The following CSMD1 variants were observed in gnomAD, a reference collection of about 807,000 sequenced individuals.
CSMD1 encodes CUB and sushi domain-containing protein 1.
CSMD1 carries 213 observed loss-of-function variants against 417.5 expected under a neutral mutation model. The observed-to-expected ratio is 0.51, with a 90% CI of 0.46 to 0.57. CSMD1 has a LOEUF of 0.57. Ranked by LOEUF, CSMD1 falls within the 20% of genes least tolerant of loss-of-function variation. CSMD1 has a pLI of 0.00. For synonymous variants in CSMD1, 2,862 were observed against 1,736.8 expected (o/e 1.65, Z -16.11); for missense variants, 6,923 against 4,529.7 (o/e 1.53, Z -15.17).
At chr8:4,542,522 G>C (rs1289870863) in intron 2 of CSMD1, among the ~76,000 whole-genome samples, 3 of 152,158 alleles carry the variant, frequency 2.0e-5, no homozygotes, top group African/African-American at 2.4e-5. Flanking sequence ...CCTCCTTTAT[G>C]AATGCTGTTG....
rs1385670513 is a variant in CSMD1 at position 4,137,762 on chromosome 8, A to T, written c.416-105663T>A. On this transcript the variant is annotated intron_variant, in intron 3 of 69. Coordinates refer to ENST00000635120, the MANE Select transcript of CSMD1 (RefSeq NM_033225.6). ...TTTTATATAAAATTACACTTTCCTA[A>T]ATTTCTCAAGGAAAATCTAAGCCTT... Among the ~76,000 whole-genome samples, 2 of 77,956 alleles carry T rather than the reference A, an allele frequency of 2.6e-5. 1 individual carries two copies. Among genetic ancestry groups the T allele is most frequent in the Non-Finnish European group, 7.9e-5 (2 of 25,448 alleles). 51.1% of individuals were successfully genotyped at this position (77,956 alleles called of 152,430 possible).
intron 37 of CSMD1, among the ~76,000 whole-genome samples, chr8:3,171,832 G>C (rs1401676252): frequency 1.3e-5 from 2 of 152,068 alleles, no homozygotes; most frequent in Non-Finnish European, 2.9e-5. Flanking sequence ...TCCATTATTT[G>C]GGAATAGAGG....
rs572598919 is a variant in CSMD1, at chr8:3,721,334, G to C, written c.932-12843C>G. Among the ~76,000 whole-genome samples the C allele has an allele frequency of 1.8e-4, 28 of 152,218 alleles. No individual in the cohort carries two copies. The East Asian group carries it at 5.0e-3, about 27-fold the overall frequency. On this transcript the variant is annotated intron_variant, in intron 6 of 69. Transcript: ENST00000635120. ...TGTGTAAGTGAGTGTGTGTGGCTGT[G>C]GATTTTTACTAGTGACGGCAGATGA... is the stretch of plus-strand genomic sequence containing the variant.
At chr8:4,188,417 A>G (rs1458745275) in intron 3 of CSMD1, among the ~76,000 whole-genome samples, 1 of 152,156 alleles carries the variant, frequency 6.6e-6, no homozygotes, top group African/African-American at 2.4e-5. Flanking sequence ...GCCTCAGATT[A>G]TTTCGGCAGA....
At chr8:3,121,328 T>C in intron 41 of CSMD1, among the ~76,000 whole-genome samples, 1 of 152,216 alleles carries the variant, frequency 6.6e-6, no homozygotes, top group East Asian at 1.9e-4. Context: ...TATGCAATGA[T>C]ATGTCTCTGA....
intron 2 of CSMD1, among the ~76,000 whole-genome samples, chr8:4,454,829 G>A (rs1020859078): frequency 1.3e-5 from 2 of 152,104 alleles, no homozygotes; most frequent in Admixed American, 1.3e-4. Context: ...CATAAGAAGA[G>A]CAAAGGTTTT....
chr8:4,343,060 T>C (rs1484324070), intron 3 of CSMD1, among the ~76,000 whole-genome samples: 3 of 152,104 alleles, frequency 2.0e-5, no homozygotes, highest in African/African-American at 7.2e-5. Context: ...ACATTTTAAG[T>C]TGCCTTCAAC....
At chr8:3,333,527 A>G (rs1373182416) in intron 23 of CSMD1, among the ~76,000 whole-genome samples, 2 of 152,252 alleles carry the variant, frequency 1.3e-5, no homozygotes, top group Non-Finnish European at 2.9e-5. Context: ...CAAATGATAT[A>G]TAGATACTGC....
intron 3 of CSMD1, among the ~76,000 whole-genome samples, chr8:4,157,268 G>C (rs1039812839): frequency 2.6e-5 from 4 of 152,196 alleles, no homozygotes; most frequent in African/African-American, 9.7e-5. Flanking sequence ...CATCCTGTCT[G>C]TGACTAGTTT....
At chr8:3,801,288 A>T (rs1802929951) in intron 5 of CSMD1, among the ~76,000 whole-genome samples, 1 of 152,180 alleles carries the variant, frequency 6.6e-6, no homozygotes, top group Non-Finnish European at 1.5e-5. Flanking sequence ...AACAATTAAA[A>T]ATTGGGAAAA....
chr8:3,825,933 A>G (rs907233260), intron 5 of CSMD1, among the ~76,000 whole-genome samples: 1 of 152,232 alleles, frequency 6.6e-6, no homozygotes, highest in African/African-American at 2.4e-5. Flanking sequence ...TCATTTTGAT[A>G]AATTCCAACT....
intron 3 of CSMD1, among the ~76,000 whole-genome samples, chr8:4,383,571 G>A (rs1259444436): frequency 6.6e-6 from 1 of 152,092 alleles, no homozygotes; most frequent in African/African-American, 2.4e-5. Context: ...CCTCAAATCT[G>A]ATTACAGGGC....
chr8:3,722,257 G>A (rs747689174), intron 6 of CSMD1, among the ~76,000 whole-genome samples: 3 of 151,988 alleles, frequency 2.0e-5, no homozygotes, highest in Admixed American at 6.6e-5. Context: ...GCAGTGAGTC[G>A]AGATCACACC....
intron 3 of CSMD1, among the ~76,000 whole-genome samples, chr8:4,041,738 G>T (rs573229751): frequency 2.6e-5 from 4 of 152,126 alleles, no homozygotes; most frequent in Non-Finnish European, 5.9e-5. Flanking sequence ...TGTATGCCCT[G>T]TTCTCAGTCA....
chr8:3,738,525 T>G (rs1796637909), intron 6 of CSMD1, among the ~76,000 whole-genome samples: 1 of 152,222 alleles, frequency 6.6e-6, no homozygotes, highest in Non-Finnish European at 1.5e-5. Context: ...ATGCAAATAC[T>G]GGTCCTGCCG....
At chr8:3,982,745 T>C (rs545616599) in intron 5 of CSMD1, among the ~76,000 whole-genome samples, 2 of 152,026 alleles carry the variant, frequency 1.3e-5, no homozygotes, top group African/African-American at 2.4e-5. Flanking sequence ...AGGCTTAACG[T>C]GGAAGGAGCT....
chr8:3,849,763 G>A (rs188630241), intron 5 of CSMD1, among the ~76,000 whole-genome samples: 1 of 152,114 alleles, frequency 6.6e-6, no homozygotes, highest in Non-Finnish European at 1.5e-5. Flanking sequence ...AATATCTTTT[G>A]AGAAATGATA....
At chr8:3,914,862 C>A (rs561915556) in intron 5 of CSMD1, among the ~76,000 whole-genome samples, 9 of 152,170 alleles carry the variant, frequency 5.9e-5, no homozygotes, top group Admixed American at 5.2e-4. Flanking sequence ...AGGCACACAT[C>A]ATACAGTTTT....
chr8:3,963,536 T>A (rs550287556), intron 5 of CSMD1, among the ~76,000 whole-genome samples: 1 of 152,336 alleles, frequency 6.6e-6, no homozygotes, highest in Non-Finnish European at 1.5e-5. Context: ...TTTTCTATTA[T>A]AAACATAAAA....
Sources: gnomAD v4.1 joint callset for allele counts (sites outside exome capture counted in the v4.1 genomes callset) on GRCh38, gnomAD v4.1.1 for gene constraint, MANE v1.5 for transcripts, NCBI Gene and HGNC (gene_info 2026-07-23, HGNC 2026-07-21) for gene names.